Variants in PTPRG observed in about 807,000 individuals in gnomAD.
PTPRG encodes the protein receptor-type tyrosine-protein phosphatase gamma.
A neutral mutation model predicts 165.3 loss-of-function variants in PTPRG; 102 were observed. The ratio of observed to expected loss-of-function variants is 0.62; its 90% CI spans 0.53 to 0.73. The LOEUF (loss-of-function observed/expected upper bound fraction) is 0.73, where lower values mean the gene tolerates loss of function less well. Among genes scored for constraint, PTPRG ranks in the 30% least tolerant of loss-of-function variants. The pLI is 0.00. For synonymous variants in PTPRG, 675 were observed against 669.5 expected (o/e 1.01, Z -0.13); for missense variants, 1,866 against 1,861.4 (o/e 1.00, Z -0.05).
intron 5 of PTPRG, chr3:62,124,707 T>A: frequency 1.7e-6 from 1 of 595,264 alleles, no homozygotes; most frequent in Non-Finnish European, 3.0e-6. Context: ...GGCACCGGAC[T>A]TGGCTCAGAA....
intron 2 of PTPRG, among the ~76,000 whole-genome samples, chr3:61,899,254 CTGATAATGGTGTGTTAGTT>C (rs1001083983): frequency 2.0e-5 from 3 of 152,018 alleles, no homozygotes; most frequent in Admixed American, 2.0e-4. Flanking sequence ...ATGGTTAGTT[CTGATAATGGTGTGTTAGTT>C]ACACATGGAA....
At chr3:62,242,033 G>A (rs912531871) in intron 14 of PTPRG, among the ~76,000 whole-genome samples, 3 of 152,126 alleles carry the variant, frequency 2.0e-5, no homozygotes, top group Admixed American at 6.5e-5. Context: ...TGGAGAAGGT[G>A]GGGGAGGAGA....
intron 1 of PTPRG, among the ~76,000 whole-genome samples, chr3:61,598,532 G>A (rs9883668): frequency 0.14 from 21,413 of 151,974 alleles, 1,958 homozygotes; most frequent in African/African-American, 0.25. Context: ...CATTAAACTC[G>A]GCCATCAGTT....
chr3:61,662,791 A>C (rs1269926120), intron 1 of PTPRG, among the ~76,000 whole-genome samples: 3 of 152,192 alleles, frequency 2.0e-5, no homozygotes, highest in African/African-American at 7.2e-5. Flanking sequence ...ATCAACAAGG[A>C]AGATCTGTTC....
At chr3:62,124,361 G>A in intron 5 of PTPRG, 7 of 1,612,760 alleles carry the variant, frequency 4.3e-6, no homozygotes, top group Non-Finnish European at 5.9e-6. Context: ...GACAATAGTG[G>A]GATGCAAGTC....
At chr3:61,682,413 C>T (rs1262023445) in intron 1 of PTPRG, among the ~76,000 whole-genome samples, 1 of 152,120 alleles carries the variant, frequency 6.6e-6, no homozygotes, top group Admixed American at 6.6e-5. Context: ...ATAGCAGATG[C>T]TGTTAAATGT....
intron 2 of PTPRG, among the ~76,000 whole-genome samples, chr3:61,947,786 CAA>C (rs1165170156): frequency 2.0e-5 from 3 of 152,140 alleles, no homozygotes; most frequent in Non-Finnish European, 4.4e-5. Flanking sequence ...AAATTTCTTG[CAA>C]AAGTCTTATC....
In PTPRG at chr3:62,277,578, A is replaced by G. The variant is rs771721629; in HGVS notation, c.3664A>G (p.Ile1222Val). The G allele has an allele frequency of 8.7e-6, 14 of 1,611,904 alleles. No homozygotes were observed. The South Asian group carries it at 8.8e-5, about 10-fold the overall frequency. ...CTATTATAGGAGCAATGAATTTATTATAACTCAGCATCCTCTGCCACATAC... is the reference window on the plus strand; with the variant it reads ...CTATTATAGGAGCAATGAATTTATTGTAACTCAGCATCCTCTGCCACATAC... ...MGYYRSNEFI[I>V]TQHPLPHTTK... The change falls in exon 26 of 30, where the codon ATA (isoleucine) becomes GTA (valine). Residue 1222 changes from isoleucine (I) to valine (V), a missense_variant. Coordinates refer to ENST00000474889, the MANE Select transcript of PTPRG (RefSeq NM_002841.4).
rs139395417 is a variant in PTPRG, at chr3:62,203,418, C to T, written c.1623C>T (p.Ala541=). The change falls in exon 12 of 30, where the codon GCC becomes GCT. Residue 541 remains alanine, a synonymous_variant. Coordinates refer to ENST00000474889, the MANE Select transcript of PTPRG (RefSeq NM_002841.4). The surrounding 1 kb of genome is among the most constrained non-coding windows in gnomAD (Gnocchi z 6.4). ...STVWPTRLPT[A]ASASKQAARP... ...TGTGGCCCACGCGCCTCCCGACGGC[C>T]GCCTCAGCCAGCAAGCAGGCGGCTA... The T allele has an allele frequency of 2.7e-4, 431 of 1,609,628 alleles. No homozygotes were observed. Among genetic ancestry groups the T allele is most frequent in the Admixed American group, 3.2e-4 (19 of 59,410 alleles).
chr3:61,767,899 G>C (rs779588668), intron 2 of PTPRG, among the ~76,000 whole-genome samples: 57 of 151,254 alleles, frequency 3.8e-4, no homozygotes, highest in Admixed American at 7.9e-4. Flanking sequence ...GAGCCTGGGA[G>C]GTTGAGGCTA....
chr3:62,117,734 C>G (rs1702916682), intron 5 of PTPRG, among the ~76,000 whole-genome samples: 1 of 152,192 alleles, frequency 6.6e-6, no homozygotes, highest in Non-Finnish European at 1.5e-5. Context: ...ATCACAATTA[C>G]ACAATTCACA....
chr3:61,620,920 C>T (rs755843019), intron 1 of PTPRG, among the ~76,000 whole-genome samples: 2 of 151,828 alleles, frequency 1.3e-5, no homozygotes, highest in African/African-American at 2.4e-5. Context: ...TGAGCCACCG[C>T]GCCCGGCCTT....
At chr3:61,945,920 C>A (rs1423742172) in intron 2 of PTPRG, among the ~76,000 whole-genome samples, 1 of 152,150 alleles carries the variant, frequency 6.6e-6, no homozygotes, top group African/African-American at 2.4e-5. Context: ...GTGGCTTGCC[C>A]AAGCTATATG....
intron 2 of PTPRG, among the ~76,000 whole-genome samples, chr3:61,832,009 A>G (rs1158088914): frequency 2.0e-5 from 3 of 152,214 alleles, no homozygotes; most frequent in African/African-American, 2.4e-5. Context: ...ATGTTTCTAG[A>G]TGATTTCATT....
rs572330585 is a variant in PTPRG at position 62,290,593 on chromosome 3, AG to A, written c.4056-1826del. 1.5e-4 allele frequency among the ~76,000 whole-genome samples: 23 copies of A among 152,318 alleles called. No individual in the cohort carries two copies. In the South Asian group the frequency reaches 4.6e-3, roughly 30 times the overall value. On this transcript the variant is annotated intron_variant, in intron 28 of 29. Coordinates refer to ENST00000474889, the MANE Select transcript of PTPRG (RefSeq NM_002841.4). ...ACAAAAAATAGACAAACAGAATAAA[AG>A]GTCAAAACAGAGTTCAGAAATAGGC...
chr3:61,866,578 T>A (rs1205619652), intron 2 of PTPRG, among the ~76,000 whole-genome samples: 1 of 141,718 alleles, frequency 7.1e-6, no homozygotes, highest in Non-Finnish European at 1.5e-5. Flanking sequence ...TGGAACTGTT[T>A]GCTCTTTTTT....
chr3:61,591,924 G>C (rs1028720089), intron 1 of PTPRG, among the ~76,000 whole-genome samples: 7 of 151,986 alleles, frequency 4.6e-5, no homozygotes, highest in Admixed American at 3.9e-4. Context: ...GGTAGAAGGG[G>C]ATGTTCCAGA....
intron 5 of PTPRG, among the ~76,000 whole-genome samples, chr3:62,095,069 A>G (rs141056188): frequency 6.8e-4 from 103 of 152,310 alleles, no homozygotes; most frequent in African/African-American, 2.4e-3. Flanking sequence ...TGTCAGGCAA[A>G]CATGTAAAAT....
intron 12 of PTPRG, among the ~76,000 whole-genome samples, chr3:62,207,959 C>T (rs994311514): frequency 2.0e-5 from 3 of 152,190 alleles, no homozygotes; most frequent in Non-Finnish European, 4.4e-5. Flanking sequence ...GTGAGAATGC[C>T]TAGTGAGCCA....
Sources: gnomAD v4.1 joint callset for allele counts (sites outside exome capture counted in the v4.1 genomes callset) on GRCh38, gnomAD v4.1.1 for gene constraint, Gnocchi (gnomAD v3.1) non-coding constraint, MANE v1.5 for transcripts, NCBI Gene and HGNC (gene_info 2026-07-23, HGNC 2026-07-21) for gene names.